SDHA: variants seen among roughly 807,000 people sequenced by gnomAD.
SDHA encodes succinate dehydrogenase [ubiquinone] flavoprotein subunit, mitochondrial.
In SDHA, 48 loss-of-function variants were observed where a neutral mutation model predicts 78.4. That is an observed-to-expected ratio of 0.61 (90% confidence interval 0.49 to 0.78). The LOEUF (loss-of-function observed/expected upper bound fraction) is 0.78, where lower values mean the gene tolerates loss of function less well. Ranked by LOEUF, SDHA falls within the 30% of genes least tolerant of loss-of-function variation. The probability of loss-of-function intolerance (pLI) is 0.00; values close to 1 mark genes in which losing one functional copy is unlikely to be tolerated. For missense variants in SDHA, 680 were observed against 892.7 expected, an observed-to-expected ratio of 0.76 and a Z score of 3.04; for synonymous variants, 326 against 353.9, an observed-to-expected ratio of 0.92 and a Z score of 0.88.
the SDHA span, among the ~76,000 whole-genome samples, chr5:263,771 A>G: frequency 6.6e-6 from 1 of 152,260 alleles, no homozygotes. Context: ...GGAATGCAGA[A>G]CATTGCAACC....
chr5:228,572 C>A (rs10042604), intron 6 of SDHA, among the ~76,000 whole-genome samples: 36,533 of 151,994 alleles, frequency 0.24, 6,847 homozygotes, highest in African/African-American at 0.52. Context: ...AGTGGTTGCC[C>A]TCAGGTTCAC....
In SDHA at chr5:233,832, G is replaced by T. The variant is rs1735584838; in HGVS notation, c.1064+187G>T. 5 of 587,056 alleles carry T rather than the reference G, an allele frequency of 8.5e-6. No individual in the cohort carries two copies. The South Asian group carries it at 9.6e-5, about 11-fold the overall frequency. The allele number at this position is 587,056 out of a possible 1,614,324, so 36.4% of individuals were successfully genotyped here. A position where few individuals can be genotyped will look rare whatever the true frequency, so the allele number is the denominator to read the frequency against. ...AAAGACCTACATTTTGAAAATTTTA[G>T]CCAGTTTCTTTCTCAAATCTGTGGA... On this transcript the variant is annotated intron_variant, in intron 8 of 14. Transcript: ENST00000264932.
chr5:224,253 C>T, intron 2 of SDHA, 107 bp from the exon 3 acceptor site: 1 of 1,214,048 alleles, frequency 8.2e-7, no homozygotes, highest in African/African-American at 1.5e-5. Context: ...GCCCTGTGTG[C>T]CCAGCAGTTG....
intron 6 of SDHA, among the ~76,000 whole-genome samples, chr5:229,604 T>A (rs1229137534): frequency 1.3e-5 from 2 of 152,226 alleles, no homozygotes. Context: ...GAATGCAGAC[T>A]GTGGCGATGC....
At chr5:227,299 C>T (rs1301354709) in intron 5 of SDHA, among the ~76,000 whole-genome samples, 3 of 152,196 alleles carry the variant, frequency 2.0e-5, no homozygotes, top group Admixed American at 6.5e-5. Flanking sequence ...CGTGAGCCAC[C>T]GCACCCGGCC....
In SDHA at chr5:235,128, T is replaced by C. The variant is rs765268601; in HGVS notation, c.1065-16T>C. 12 of 1,613,002 alleles carry C rather than the reference T, an allele frequency of 7.4e-6. No individual in the cohort carries two copies. Among genetic ancestry groups the C allele is most frequent in the Non-Finnish European group, 1.0e-5 (12 of 1,179,080 alleles). Reference sequence around the variant, plus strand: ...TGCCGTTCTCTGCCGTATGTGATGGTGTTCTGTCTTACCAGAGGCTGTGGC... The same window carrying C: ...TGCCGTTCTCTGCCGTATGTGATGGCGTTCTGTCTTACCAGAGGCTGTGGC... On this transcript the variant is annotated splice_polypyrimidine_tract_variant and intron_variant, in intron 8 of 14. Coordinates refer to ENST00000264932, the MANE Select transcript of SDHA (RefSeq NM_004168.4).
intron 11 of SDHA, among the ~76,000 whole-genome samples, chr5:247,283 A>G (rs1272786512): frequency 2.0e-5 from 3 of 152,368 alleles, no homozygotes; most frequent in Admixed American, 6.5e-5. Flanking sequence ...GATTTCATAC[A>G]GATGAACAAC....
intron 4 of SDHA, 119 bp downstream of exon 4, chr5:225,681 T>C (rs56342538): frequency 0.15 from 214,708 of 1,462,740 alleles, 22,215 homozygotes; most frequent in African/African-American, 0.53. Flanking sequence ...ATGAGCAAAG[T>C]TCACAAGAAG....
In SDHA at chr5:251,050, G is replaced by C. The variant is rs1192321920; in HGVS notation, c.1610G>C (p.Gly537Ala). ...GGAAGCGTGTTGCAAGAAGGTTGTG[G>C]GAAAATCAGCAAGCTCTATGGAGAC... ...RVGSVLQEGC[G>A]KISKLYGDLK... The change falls in exon 12 of 15, where the codon GGG (glycine) becomes GCG (alanine). Residue 537 changes from glycine to alanine, a missense_variant. Coordinates refer to ENST00000264932, the MANE Select transcript of SDHA (RefSeq NM_004168.4). 1.9e-6 allele frequency: 3 copies of C among 1,612,024 alleles called. No homozygotes were observed. Among genetic ancestry groups the C allele is most frequent in the Non-Finnish European group, 2.5e-6 (3 of 1,179,868 alleles).
intron 11 of SDHA, among the ~76,000 whole-genome samples, chr5:248,671 C>T (rs796420387): frequency 1.1e-3 from 169 of 152,214 alleles, no homozygotes; most frequent in African/African-American, 2.9e-3. Context: ...AGAAAATGAA[C>T]GTACATGTTT....
chr5:244,628 C>T (rs1736339566), intron 11 of SDHA, among the ~76,000 whole-genome samples: 1 of 152,208 alleles, frequency 6.6e-6, no homozygotes, highest in Admixed American at 6.5e-5. Flanking sequence ...CAGGAGCGGA[C>T]ATTTCAATCA....
At chr5:236,887 A>G (rs1335673695) in intron 10 of SDHA, among the ~76,000 whole-genome samples, 1 of 150,276 alleles carries the variant, frequency 6.7e-6, no homozygotes, top group Non-Finnish European at 1.5e-5. Context: ...CCTAGACTCA[A>G]ACAGTCCTGC....
At chr5:225,085 G>A (rs1427815365) in intron 3 of SDHA, among the ~76,000 whole-genome samples, 1 of 152,162 alleles carries the variant, frequency 6.6e-6, no homozygotes, top group Non-Finnish European at 1.5e-5. Flanking sequence ...AAGATTTGTT[G>A]AGTACCTTTT....
chr5:242,078 A>G (rs555926144), intron 11 of SDHA, among the ~76,000 whole-genome samples: 1 of 152,362 alleles, frequency 6.6e-6, no homozygotes, highest in African/African-American at 2.4e-5. Context: ...TGCTGGAGTC[A>G]GCACTGAACA....
rs1420375226 is a variant in SDHA at position 256,828 on chromosome 5, C to CT, written c.*420dup. The stretch of plus-strand genomic sequence containing the variant: ...ATAGTTTCTTTTTTCTTTTTCTTTT[C>CT]TTTTTTTTTTTTGAGACAGGATCGG... On this transcript the variant is annotated 3_prime_UTR_variant, in exon 15 of 15. Transcript: ENST00000264932. 6.7e-3 allele frequency: 1,571 copies of CT among 236,086 alleles called. No individual in the cohort carries two copies. Among genetic ancestry groups the CT allele is most frequent in the East Asian group, 0.029 (418 of 14,250 alleles). 14.6% of individuals were successfully genotyped at this position (236,086 alleles called of 1,614,324 possible).
intron 11 of SDHA, chr5:248,973 T>C (rs574456921): frequency 4.3e-4 from 171 of 397,804 alleles, no homozygotes; most frequent in African/African-American, 3.5e-3. Flanking sequence ...TGTTAATAGC[T>C]CTTAATAAGA....
At position 251,446 on chromosome 5, in the gene SDHA, C is replaced by T. The variant is rs367621815; in HGVS notation, c.1772C>T (p.Ala591Val). Residue 591 changes from alanine (A) to valine (V), a missense_variant, in exon 13 of 15, where the codon GCG (alanine) becomes GTG (valine). By Grantham distance (64) the Ala-to-Val change is moderately conservative. Transcript: ENST00000264932. The part of the protein sequence containing the change: ...GAEARKESRG[A>V]HAREDYKVRI... ...GAGGCACGGAAGGAGTCACGGGGCG[C>T]GCATGCCAGGGAAGACTACAAGGTG... 31 of 1,613,862 alleles carry T rather than the reference C, an allele frequency of 1.9e-5. No individual in the cohort carries two copies. The highest frequency in any genetic ancestry group is 1.6e-4 in the Middle Eastern group (1 of 6,078).
the SDHA span, among the ~76,000 whole-genome samples, chr5:267,097 T>C: frequency 1.3e-5 from 2 of 152,234 alleles, no homozygotes; most frequent in Non-Finnish European, 2.9e-5. Flanking sequence ...TGATAGATTG[T>C]CCACTACTCA....
chr5:233,636 G>A lies in SDHA; in HGVS notation c.1055G>A (p.Arg352Gln), dbSNP rs199844384. ...VVSRSMTLEI[R>Q]EGRGCGPEKD... ...TCTCGGTCCATGACTCTGGAGATCC[G>A]AGAAGGAAGGTGCGTGTGATTTACC... Residue 352 changes from arginine (R) to glutamine (Q), a missense_variant, in exon 8 of 15, where the codon CGA becomes CAA. Coordinates refer to ENST00000264932, the MANE Select transcript of SDHA (RefSeq NM_004168.4). 1.6e-4 allele frequency: 264 copies of A among 1,613,846 alleles called. No homozygotes were observed. Among genetic ancestry groups the A allele is most frequent in the Non-Finnish European group, 2.2e-4 (254 of 1,179,906 alleles).
Sources: allele counts gnomAD v4.1 joint callset (sites outside exome capture counted in the v4.1 genomes callset), GRCh38; gene constraint gnomAD v4.1.1; transcripts MANE v1.5; gene names NCBI Gene and HGNC (gene_info 2026-07-23, HGNC 2026-07-21).